Variants in CADM1 observed in about 807,000 individuals in gnomAD.
The protein encoded by CADM1 is cell adhesion molecule 1.
CADM1 carries 15 observed loss-of-function variants against 53.1 expected under a neutral mutation model. That is an observed-to-expected ratio of 0.28 (90% CI 0.19 to 0.44). The LOEUF is 0.44. CADM1 is among the 20% of genes least tolerant of loss of function. The probability of loss-of-function intolerance (pLI) is 1.00; values close to 1 mark genes in which losing one functional copy is unlikely to be tolerated. For synonymous variants in CADM1, 281 were observed against 243.0 expected (o/e 1.16, Z -1.45); for missense variants, 434 against 611.3 (o/e 0.71, Z 3.06).
At chr11:115,461,010 C>A (rs1395029581) in intron 1 of CADM1, among the ~76,000 whole-genome samples, 1 of 152,074 alleles carries the variant, frequency 6.6e-6, no homozygotes, top group Admixed American at 6.6e-5. Context: ...ATCTTCTAAG[C>A]CTGCTAACCA....
At chr11:115,432,332 C>T (rs1327401901) in intron 1 of CADM1, among the ~76,000 whole-genome samples, 1 of 152,114 alleles carries the variant, frequency 6.6e-6, no homozygotes, top group East Asian at 1.9e-4. Flanking sequence ...TCTCCCCATC[C>T]CACAAGTCTT....
At chr11:115,479,549 G>A (rs561162823) in intron 1 of CADM1, among the ~76,000 whole-genome samples, 25 of 152,236 alleles carry the variant, frequency 1.6e-4, no homozygotes, top group African/African-American at 6.0e-4. Flanking sequence ...GACATTTGGA[G>A]TCTGATTTCC....
rs150375866 is a variant in CADM1 at position 115,188,387 on chromosome 11, G to A, written c.1165+2501C>T. On this transcript the variant is annotated intron_variant, in intron 10 of 11. Transcript: ENST00000331581. ...ATAATTAAATCACTGAACTACATAC[G>A]AGCATAATTTCTTTATGCAGATTAA... Among the ~76,000 whole-genome samples, 669 of 152,252 alleles carry A rather than the reference G, an allele frequency of 4.4e-3. 5 individuals are homozygous for A. Among genetic ancestry groups the A allele is most frequent in the Admixed American group, 7.3e-3 (111 of 15,288 alleles).
chr11:115,280,862 A>C (rs998168387), intron 1 of CADM1, among the ~76,000 whole-genome samples: 2 of 152,212 alleles, frequency 1.3e-5, no homozygotes, highest in African/African-American at 4.8e-5. Flanking sequence ...TTCAGTGATT[A>C]ATGACGAGGA....
intron 1 of CADM1, among the ~76,000 whole-genome samples, chr11:115,443,056 G>A (rs1948359977): frequency 6.6e-6 from 1 of 152,184 alleles, no homozygotes. Flanking sequence ...TGTTTATAAT[G>A]TACTTCAGTA....
chr11:115,311,420 T>C (rs1944529403), intron 1 of CADM1, among the ~76,000 whole-genome samples: 1 of 152,106 alleles, frequency 6.6e-6, no homozygotes, highest in African/African-American at 2.4e-5. Flanking sequence ...CCTCTGCATA[T>C]ACCAAAATCC....
At chr11:115,389,634 T>C (rs1170221070) in intron 1 of CADM1, among the ~76,000 whole-genome samples, 2 of 152,114 alleles carry the variant, frequency 1.3e-5, no homozygotes, top group African/African-American at 2.4e-5. Context: ...CTAAAGATGA[T>C]ACATATAGCA....
chr11:115,188,475 T>C (rs1053725679), intron 10 of CADM1, among the ~76,000 whole-genome samples: 5 of 152,176 alleles, frequency 3.3e-5, no homozygotes, highest in Non-Finnish European at 7.3e-5. Context: ...ATGTTGCTTA[T>C]GAAACTGTCA....
intron 1 of CADM1, among the ~76,000 whole-genome samples, chr11:115,284,701 TACAA>T (rs990261205): frequency 3.3e-5 from 5 of 152,162 alleles, no homozygotes; most frequent in Non-Finnish European, 2.9e-5. Context: ...AAAGAAAGAA[TACAA>T]ACATTTTCTA....
At chr11:115,489,550 T>C (rs1296734019) in intron 1 of CADM1, among the ~76,000 whole-genome samples, 1 of 152,230 alleles carries the variant, frequency 6.6e-6, no homozygotes. Context: ...TGAGAAATTA[T>C]GTAAGACTTA....
intron 1 of CADM1, among the ~76,000 whole-genome samples, chr11:115,371,657 G>A (rs1445856058): frequency 3.7e-5 from 2 of 53,884 alleles, no homozygotes; most frequent in East Asian, 1.1e-3. Flanking sequence ...TTTTTTTTTT[G>A]AGACAGAGTC....
intron 1 of CADM1, among the ~76,000 whole-genome samples, chr11:115,459,419 G>C (rs1948747573): frequency 6.6e-6 from 1 of 152,000 alleles, no homozygotes; most frequent in Non-Finnish European, 1.5e-5. Context: ...TTTCCAAAGA[G>C]AAATGAAAAA....
chr11:115,283,494 G>A (rs899176672), intron 1 of CADM1, among the ~76,000 whole-genome samples: 2 of 152,204 alleles, frequency 1.3e-5, no homozygotes, highest in African/African-American at 4.8e-5. Context: ...AGAGGTGGAG[G>A]GAAGGGAAGA....
rs1314420682 is a variant in CADM1 at position 115,295,544 on chromosome 11, AT to A, written c.125-55125del. On this transcript the variant is annotated intron_variant, in intron 1 of 11. Coordinates refer to ENST00000331581, the MANE Select transcript of CADM1 (RefSeq NM_001301043.2). ...TATATATATATATATATATATATAT[AT>A]ATATAATATATATGTATATGCACAT... Among the ~76,000 whole-genome samples, 172 of 56,196 alleles carry A rather than the reference AT, an allele frequency of 3.1e-3. 3 individuals are homozygous for A. The East Asian group carries it at 0.12, about 38-fold the overall frequency. The allele number at this position is 56,196 out of a possible 152,430, so 36.9% of individuals were successfully genotyped here.
At chr11:115,432,335 C>CAA (rs1287930177) in intron 1 of CADM1, among the ~76,000 whole-genome samples, 1 of 152,154 alleles carries the variant, frequency 6.6e-6, no homozygotes, top group African/African-American at 2.4e-5. Flanking sequence ...CCCCATCCCA[C>CAA]AAGTCTTTCC....
chr11:115,381,252 C>A (rs1180146847), intron 1 of CADM1, among the ~76,000 whole-genome samples: 5 of 151,166 alleles, frequency 3.3e-5, no homozygotes, highest in Non-Finnish European at 7.4e-5. Flanking sequence ...CGAGATGGCG[C>A]CACTGCACTG....
intron 8 of CADM1, among the ~76,000 whole-genome samples, chr11:115,203,833 T>G (rs1940552464): frequency 6.6e-6 from 1 of 152,142 alleles, no homozygotes; most frequent in African/African-American, 2.4e-5. Context: ...AGCTATGTTG[T>G]TATTTGTAAC....
chr11:115,295,887 A>G (rs1384534625), intron 1 of CADM1, among the ~76,000 whole-genome samples: 1 of 152,116 alleles, frequency 6.6e-6, no homozygotes. Context: ...AATGCTACAA[A>G]TCTTCCTCAT....
intron 1 of CADM1, among the ~76,000 whole-genome samples, chr11:115,429,314 C>T (rs1180536772): frequency 6.6e-6 from 1 of 152,040 alleles, no homozygotes; most frequent in Non-Finnish European, 1.5e-5. Flanking sequence ...TATTATTATT[C>T]TAAAAGATCC....
Sources: gnomAD v4.1 joint callset for allele counts (sites outside exome capture counted in the v4.1 genomes callset) on GRCh38, gnomAD v4.1.1 for gene constraint, MANE v1.5 for transcripts, NCBI Gene and HGNC (gene_info 2026-07-23, HGNC 2026-07-21) for gene names.